The following MYO18B variants were observed in gnomAD, a reference collection of about 807,000 sequenced individuals.
The protein encoded by MYO18B is myosin XVIIIB.
MYO18B carries 204 observed loss-of-function variants against 273.0 expected under a neutral mutation model. The ratio of observed to expected loss-of-function variants is 0.75; its 90% CI spans 0.67 to 0.84. The LOEUF (loss-of-function observed/expected upper bound fraction) is 0.84, where lower values mean the gene tolerates loss of function less well. MYO18B is among the 40% of genes least tolerant of loss of function. The pLI is 0.00. For missense variants in MYO18B, 3,212 were observed against 3,287.6 expected (o/e 0.98, Z 0.56); for synonymous variants, 1,330 against 1,305.7 (o/e 1.02, Z -0.40).
intron 25 of MYO18B, among the ~76,000 whole-genome samples, chr22:25,887,661 T>G (rs1431232664): frequency 6.6e-6 from 1 of 152,122 alleles, no homozygotes. Context: ...CTGAGCATGG[T>G]GCCTGCTCCT....
chr22:25,893,135 G>A (rs1199116575), intron 27 of MYO18B, among the ~76,000 whole-genome samples: 1 of 152,176 alleles, frequency 6.6e-6, no homozygotes, highest in Admixed American at 6.5e-5. Flanking sequence ...TTTGAAAGAA[G>A]CAGTAAAACA....
chr22:25,929,758 G>A (rs781542541), intron 34 of MYO18B, among the ~76,000 whole-genome samples: 65 of 152,116 alleles, frequency 4.3e-4, no homozygotes, highest in Middle Eastern at 3.4e-3. Flanking sequence ...TGCATCCCCC[G>A]TCTCTCTCTG....
At chr22:25,966,491 T>C (rs753070605) in intron 39 of MYO18B, among the ~76,000 whole-genome samples, 2 of 152,184 alleles carry the variant, frequency 1.3e-5, no homozygotes, top group African/African-American at 2.4e-5. Flanking sequence ...TGGAGGGCAT[T>C]TGGGGCCATG....
intron 31 of MYO18B, among the ~76,000 whole-genome samples, chr22:25,904,844 A>G (rs2092008177): frequency 6.6e-6 from 1 of 152,130 alleles, no homozygotes; most frequent in African/African-American, 2.4e-5. Flanking sequence ...ATTAATAGGC[A>G]GATAAAGCAT....
chr22:25,885,550 T>C (rs1296872011), intron 25 of MYO18B, among the ~76,000 whole-genome samples: 1 of 151,806 alleles, frequency 6.6e-6, no homozygotes, highest in African/African-American at 2.4e-5. Context: ...TGGAGTGTCT[T>C]GTATGGGGAT....
Position 25,809,555 on chromosome 22 carries a change from G to A in MYO18B, c.2521+11458G>A, listed in dbSNP as rs76815483. 6.2e-3 allele frequency among the ~76,000 whole-genome samples: 947 copies of A among 152,224 alleles called. 12 individuals are homozygous for A. The highest frequency in any genetic ancestry group is 0.021 in the African/African-American group (883 of 41,518). On this transcript the variant is annotated intron_variant, in intron 12 of 43. Transcript: ENST00000335473. ...CAGTCAGAACCAAATATATCCCAGCGAGGTGCCCCATGATGGGGTTATGAA... is the reference window on the plus strand; with the variant it reads ...CAGTCAGAACCAAATATATCCCAGCAAGGTGCCCCATGATGGGGTTATGAA...
intron 1 of MYO18B, among the ~76,000 whole-genome samples, chr22:25,742,530 G>A (rs1398010187): frequency 1.3e-5 from 2 of 152,092 alleles, no homozygotes; most frequent in South Asian, 4.2e-4. Context: ...TGGGGCAAAT[G>A]GACATTCGTA....
chr22:25,798,119 C>T (rs1487201762), intron 12 of MYO18B, 22 bp downstream of exon 12: 10 of 1,588,080 alleles, frequency 6.3e-6, no homozygotes, highest in Middle Eastern at 1.7e-4. Context: ...CTGCCGGGCT[C>T]ACCTGGGAGG....
At chr22:25,793,820 A>G (rs185243065) in intron 11 of MYO18B, among the ~76,000 whole-genome samples, 1 of 152,344 alleles carries the variant, frequency 6.6e-6, no homozygotes, top group East Asian at 1.9e-4. Context: ...GCATCTTACA[A>G]TTTGAATTTT....
intron 19 of MYO18B, 137 bp downstream of exon 19, chr22:25,846,420 CAGA>C (rs1406204849): frequency 2.1e-6 from 2 of 955,046 alleles, no homozygotes; most frequent in African/African-American, 3.4e-5. Context: ...CCACGCTCCA[CAGA>C]GGAGGAAATG....
chr22:25,839,414 T>C (rs2090017147), intron 17 of MYO18B, among the ~76,000 whole-genome samples: 1 of 152,110 alleles, frequency 6.6e-6, no homozygotes, highest in Non-Finnish European at 1.5e-5. Flanking sequence ...AATGATGGAA[T>C]CCCCTCCACA....
At chr22:25,866,287 T>C (rs1195279025) in intron 21 of MYO18B, among the ~76,000 whole-genome samples, 1 of 152,066 alleles carries the variant, frequency 6.6e-6, no homozygotes, top group Non-Finnish European at 1.5e-5. Flanking sequence ...GGAGGGGAAT[T>C]GGCAGTCACT....
At position 25,835,357 on chromosome 22, in the gene MYO18B, A is replaced by T. The variant is rs1280531063; in HGVS notation, c.3122A>T (p.Glu1041Val). The change falls in exon 17 of 44, where the codon GAG becomes GTG. Residue 1041 changes from glutamate (E) to valine (V), a missense_variant. Transcript: ENST00000335473. ...DARGLFWVLD[E>V]EVHVEGSSDS... ...AGAGGCCTTTTCTGGGTCTTAGATG[A>T]GGAAGTCCATGTAGAGGGCTCCAGT... 6.2e-7 allele frequency: 1 copy of T among 1,613,950 alleles called. No homozygotes were observed. Among genetic ancestry groups the T allele is most frequent in the Non-Finnish European group, 8.5e-7 (1 of 1,179,876 alleles).
intron 21 of MYO18B, among the ~76,000 whole-genome samples, chr22:25,867,980 C>T (rs2146141184): frequency 6.6e-6 from 1 of 152,288 alleles, no homozygotes; most frequent in East Asian, 1.9e-4. Flanking sequence ...GTGGGATGGC[C>T]AGATCATCTG....
At chr22:25,910,450 T>C (rs1181239204) in intron 32 of MYO18B, among the ~76,000 whole-genome samples, 1 of 152,166 alleles carries the variant, frequency 6.6e-6, no homozygotes, top group Non-Finnish European at 1.5e-5. Context: ...CAGATACCAC[T>C]GCACTGAGGG....
chr22:26,047,586 C>T, the MYO18B span, among the ~76,000 whole-genome samples: 1 of 152,050 alleles, frequency 6.6e-6, no homozygotes, highest in Admixed American at 6.6e-5. Flanking sequence ...TAGCCACTAG[C>T]CATATTCAGC....
chr22:25,879,747 G>A (rs1354878739), intron 25 of MYO18B, among the ~76,000 whole-genome samples: 1 of 152,228 alleles, frequency 6.6e-6, no homozygotes, highest in African/African-American at 2.4e-5. Flanking sequence ...AAAGAAAAGA[G>A]GTTTGATTCG....
chr22:25,995,416 CA>C (rs1359319552), intron 40 of MYO18B, among the ~76,000 whole-genome samples: 1 of 152,088 alleles, frequency 6.6e-6, no homozygotes, highest in Non-Finnish European at 1.5e-5. Context: ...TTGTTTGTAA[CA>C]CAAAGGATAA....
In MYO18B at chr22:26,026,512, A is replaced by C. The variant is rs866951673; in HGVS notation, c.6538A>C (p.Thr2180Pro). 3.1e-6 allele frequency: 5 copies of C among 1,613,922 alleles called. No homozygotes were observed. In the Middle Eastern group the frequency reaches 8.2e-4, roughly 266 times the overall value. The change falls in exon 43 of 44, where the codon ACC (threonine) becomes CCC (proline). Residue 2180 changes from threonine to proline, a missense_variant. Physicochemically the swap from Thr to Pro is conservative, Grantham distance 38. Transcript: ENST00000335473. Reference protein sequence around the residue: ...SALALSRARSTNVHSKTSGDK... With the variant: ...SALALSRARSPNVHSKTSGDK... Reference sequence around the variant, plus strand: ...ATTGGCACTGAGCAGAGCCCGGTCCACCAATGTCCACAGCAAGACCTCAGG... The same window carrying C: ...ATTGGCACTGAGCAGAGCCCGGTCCCCCAATGTCCACAGCAAGACCTCAGG...
Sources: gnomAD v4.1 joint callset for allele counts (sites outside exome capture counted in the v4.1 genomes callset) on GRCh38, gnomAD v4.1.1 for gene constraint, MANE v1.5 for transcripts, NCBI Gene and HGNC (gene_info 2026-07-23, HGNC 2026-07-21) for gene names.